Variants in DARS1 observed in about 807,000 individuals in gnomAD.
DARS1 encodes the protein aspartate--tRNA ligase, cytoplasmic.
In DARS1, 51 loss-of-function variants were observed where a neutral mutation model predicts 68.8. The ratio of observed to expected loss-of-function variants is 0.74; its 90% CI spans 0.59 to 0.94. DARS1 has a LOEUF of 0.94. Among genes scored for constraint, DARS1 ranks in the 40% least tolerant of loss-of-function variants. The pLI, the probability that DARS1 is intolerant of heterozygous loss-of-function variation, is 0.00. For missense variants in DARS1, 607 were observed against 597.3 expected, an observed-to-expected ratio of 1.02 and a Z score of -0.17; for synonymous variants, 203 against 190.4, an observed-to-expected ratio of 1.07 and a Z score of -0.55.
intron 3 of DARS1, among the ~76,000 whole-genome samples, chr2:135,964,121 T>A (rs942860765): frequency 6.6e-6 from 1 of 152,118 alleles, no homozygotes; most frequent in Non-Finnish European, 1.5e-5. Context: ...TGTTAGAAAA[T>A]CATGATAGAC....
chr2:135,972,473 T>C lies in DARS1; in HGVS notation c.217+6801A>G, dbSNP rs570401152. On this transcript the variant is annotated intron_variant, in intron 3 of 15. Transcript: ENST00000264161. ...AATCTAAGACTTTGAACTATAATAC[T>C]ACAAGAAAACATTGGGGAAACCCTC... Among the ~76,000 whole-genome samples the C allele has an allele frequency of 3.9e-5, 6 of 152,294 alleles. No individual in the cohort carries two copies. The South Asian group carries it at 1.0e-3, about 26-fold the overall frequency.
intron 1 of DARS1, 21 bp downstream of exon 1, chr2:135,985,382 C>T (rs1575412204): frequency 6.2e-7 from 1 of 1,612,496 alleles, no homozygotes; most frequent in East Asian, 2.2e-5. Context: ...CCTCCCAGGC[C>T]CAGGAAAGGA....
intron 3 of DARS1, among the ~76,000 whole-genome samples, chr2:135,971,113 GGCACC>G (rs1260354628): frequency 1.4e-4 from 21 of 152,008 alleles, no homozygotes; most frequent in African/African-American, 5.1e-4. Flanking sequence ...GTATTACCCT[GGCACC>G]AAAACCAAAG....
Position 135,912,172 on chromosome 2 carries a change from T to C in DARS1, c.1230+314A>G, listed in dbSNP as rs749610965. Among the ~76,000 whole-genome samples, 16 of 152,226 alleles carry C rather than the reference T, an allele frequency of 1.1e-4. 1 individual carries two copies. Among genetic ancestry groups the C allele is most frequent in the Non-Finnish European group, 2.4e-4 (16 of 68,040 alleles). ...ATGTGAATTCCCAGTTTAAGGTCAA[T>C]GACAGGATGATTTACTAAAGTATGC... On this transcript the variant is annotated intron_variant, in intron 13 of 15. Transcript: ENST00000264161.
At chr2:135,965,712 CAATA>C (rs1228792076) in intron 3 of DARS1, among the ~76,000 whole-genome samples, 1 of 152,150 alleles carries the variant, frequency 6.6e-6, no homozygotes, top group Non-Finnish European at 1.5e-5. Flanking sequence ...ATCTTTGACT[CAATA>C]AATACATTTT....
intron 15 of DARS1, among the ~76,000 whole-genome samples, 161 bp from the exon 16 acceptor site, chr2:135,907,568 T>C (rs930076270): frequency 6.6e-6 from 1 of 152,170 alleles, no homozygotes; most frequent in Non-Finnish European, 1.5e-5. Flanking sequence ...GTTTTGAGTA[T>C]TGATTCAGAA....
Position 135,985,555 on chromosome 2 carries a change from C to T in DARS1, c.-87G>A. On this transcript the variant is annotated 5_prime_UTR_variant, in exon 1 of 16. Coordinates refer to ENST00000264161, the MANE Select transcript of DARS1 (RefSeq NM_001349.4). ...AAGGGGCTTCTCCCTCCCTCCCAGTCTCCGCCCTCCCGACCCTGGGGTCTC... is the reference window on the plus strand; with the variant it reads ...AAGGGGCTTCTCCCTCCCTCCCAGTTTCCGCCCTCCCGACCCTGGGGTCTC... 4 of 1,601,606 alleles carry T rather than the reference C, an allele frequency of 2.5e-6. No homozygotes were observed. Among genetic ancestry groups the T allele is most frequent in the South Asian group, 1.1e-5 (1 of 89,170 alleles).
At position 135,907,032 on chromosome 2, in the gene DARS1, T is replaced by G. The variant is rs1232192802; in HGVS notation, c.*284A>C. 9.8e-6 allele frequency: 2 copies of G among 204,200 alleles called. No homozygotes were observed. Among genetic ancestry groups the G allele is most frequent in the Admixed American group, 1.1e-4 (2 of 17,618 alleles). 12.6% of individuals were successfully genotyped at this position (204,200 alleles called of 1,614,324 possible). ...TTTACTGTAGTAACAGAATATGAATTTGTAACATAACCATATGAATTTCTC... is the reference window on the plus strand; with the variant it reads ...TTTACTGTAGTAACAGAATATGAATGTGTAACATAACCATATGAATTTCTC... On this transcript the variant is annotated 3_prime_UTR_variant, in exon 16 of 16. Coordinates refer to ENST00000264161, the MANE Select transcript of DARS1 (RefSeq NM_001349.4).
At position 135,979,304 on chromosome 2, in the gene DARS1, G is replaced by T; in HGVS notation, c.187C>A (p.Arg63Ser). 6.7e-7 allele frequency: 1 copy of T among 1,498,082 alleles called. No homozygotes were observed. The highest frequency in any genetic ancestry group is 9.3e-7 in the Non-Finnish European group (1 of 1,074,092). 92.8% of individuals were successfully genotyped at this position (1,498,082 alleles called of 1,614,324 possible). A position where few individuals can be genotyped will look rare whatever the true frequency, so the allele number is the denominator to read the frequency against. ...GCTCTGCTTGTATGAACTCTTGCAC[G>T]TACCCAAACAACTTCATCAGCTTTT... ...IQKADEVVWV[R>S]ARVHTSRAKG... The change falls in exon 3 of 16, where the codon CGT becomes AGT. Residue 63 changes from arginine to serine, a missense_variant. By Grantham distance (110) the Arg-to-Ser change is moderately radical. Transcript: ENST00000264161.
At chr2:135,947,420 A>AG (rs894112486) in intron 4 of DARS1, among the ~76,000 whole-genome samples, 1 of 151,834 alleles carries the variant, frequency 6.6e-6, no homozygotes, top group African/African-American at 2.4e-5. Flanking sequence ...AAAAAAAAAA[A>AG]AAAGAAAGAA....
intron 7 of DARS1, among the ~76,000 whole-genome samples, chr2:135,928,710 G>A (rs1244339232): frequency 1.4e-5 from 2 of 142,258 alleles, no homozygotes; most frequent in African/African-American, 2.6e-5. Flanking sequence ...CTTTCTTGTC[G>A]CCCAGGCTAG....
At chr2:135,931,177 T>C (rs1432964957) in intron 7 of DARS1, among the ~76,000 whole-genome samples, 1 of 152,232 alleles carries the variant, frequency 6.6e-6, no homozygotes, top group Non-Finnish European at 1.5e-5. Flanking sequence ...CCAAATTCTT[T>C]AGCCCTTGAC....
intron 4 of DARS1, among the ~76,000 whole-genome samples, chr2:135,948,676 C>T (rs1019356777): frequency 5.9e-5 from 9 of 151,944 alleles, no homozygotes; most frequent in Admixed American, 5.9e-4. Flanking sequence ...AGCAGCCTGG[C>T]CAACATGGTG....
rs555940938 is a variant in DARS1, at chr2:135,949,708, A to G, written c.321-6228T>C. Among the ~76,000 whole-genome samples the G allele has an allele frequency of 3.9e-5, 6 of 152,348 alleles. No homozygotes were observed. In the East Asian group the frequency reaches 1.2e-3, roughly 29 times the overall value. On this transcript the variant is annotated intron_variant, in intron 4 of 15. Transcript: ENST00000264161. ...CCATGAGAAAATTGATCTTTCCAAC[A>G]AATTGATTAAAATAATGTGTGAAGA...
intron 3 of DARS1, among the ~76,000 whole-genome samples, chr2:135,968,896 A>C (rs1682300347): frequency 6.6e-6 from 1 of 152,042 alleles, no homozygotes; most frequent in Admixed American, 6.6e-5. Flanking sequence ...TCCTGGATTC[A>C]AGTGATCCAC....
chr2:135,969,743 A>G (rs1682324968), intron 3 of DARS1, among the ~76,000 whole-genome samples: 1 of 152,146 alleles, frequency 6.6e-6, no homozygotes, highest in African/African-American at 2.4e-5. Flanking sequence ...CTTGTTATTT[A>G]TAGAAGTTAT....
intron 4 of DARS1, among the ~76,000 whole-genome samples, chr2:135,955,143 CAAA>C (rs76946722): frequency 1.5e-4 from 16 of 109,564 alleles, no homozygotes; most frequent in Admixed American, 1.9e-4. Context: ...TTACCACCAC[CAAA>C]AAAAAAAAAA....
rs116376572 is a variant in DARS1 at position 135,931,106 on chromosome 2, G to A, written c.564+1677C>T. Among the ~76,000 whole-genome samples, 24 of 152,308 alleles carry A rather than the reference G, an allele frequency of 1.6e-4. No homozygotes were observed. In the East Asian group the frequency reaches 4.0e-3, roughly 26 times the overall value. ...AAGTCAGGCTACACTAGAACCTGAC[G>A]GAGGATATATCTTAGAACGTTTGTA... On this transcript the variant is annotated intron_variant, in intron 7 of 15. Transcript: ENST00000264161.
Position 135,911,433 on chromosome 2 carries a change from T to C in DARS1, c.1291A>G (p.Arg431Gly). 9.2e-7 allele frequency: 1 copy of C among 1,087,664 alleles called. No homozygotes were observed. Among genetic ancestry groups the C allele is most frequent in the Non-Finnish European group, 1.4e-6 (1 of 698,348 alleles). The allele number at this position is 1,087,664 out of a possible 1,614,324, so 67.4% of individuals were successfully genotyped here. Residue 431 changes from arginine to glycine, a missense_variant, in exon 14 of 16, where the codon AGA becomes GGA. Coordinates refer to ENST00000264161, the MANE Select transcript of DARS1 (RefSeq NM_001349.4). ...GTTAGCAGTTGAGGATCATGTATTC[T>C]TTGAGCTCCTGACAATATTTCTTCT... ...RGEEILSGAQ[R>G]IHDPQLLTER...
Sources: gnomAD v4.1 joint callset for allele counts (sites outside exome capture counted in the v4.1 genomes callset) on GRCh38, gnomAD v4.1.1 for gene constraint, MANE v1.5 for transcripts, NCBI Gene and HGNC (gene_info 2026-07-23, HGNC 2026-07-21) for gene names.